Variants in ENAH observed in about 807,000 individuals in gnomAD.
ENAH encodes ENAH actin regulator.
In ENAH, 23 loss-of-function variants were observed where a neutral mutation model predicts 78.7. That is an observed-to-expected ratio of 0.29 (90% CI 0.21 to 0.41). ENAH has a LOEUF of 0.41. Among genes scored for constraint, ENAH ranks in the 10% least tolerant of loss-of-function variants. ENAH has a pLI of 1.00. For synonymous variants in ENAH, 226 were observed against 241.0 expected, an observed-to-expected ratio of 0.94 and a Z score of 0.58; for missense variants, 544 against 691.0, an observed-to-expected ratio of 0.79 and a Z score of 2.39.
At chr1:225,559,484 C>T (rs899197843) in intron 2 of ENAH, among the ~76,000 whole-genome samples, 19 of 152,240 alleles carry the variant, frequency 1.2e-4, no homozygotes, top group African/African-American at 3.9e-4. Flanking sequence ...CCATCAGTTA[C>T]TAACAGAAGT....
intron 1 of ENAH, among the ~76,000 whole-genome samples, chr1:225,639,727 C>CAA (rs1660687695): frequency 6.7e-6 from 1 of 148,818 alleles, no homozygotes; most frequent in Non-Finnish European, 1.5e-5. Context: ...CACACACACA[C>CAA]ACACACACAC....
At chr1:225,602,384 T>G (rs908928867) in intron 1 of ENAH, among the ~76,000 whole-genome samples, 3 of 152,166 alleles carry the variant, frequency 2.0e-5, no homozygotes, top group African/African-American at 4.8e-5. Flanking sequence ...TTTATCAGGC[T>G]AGTATTGAAT....
At chr1:225,607,425 A>C (rs1425894628) in intron 1 of ENAH, among the ~76,000 whole-genome samples, 1 of 152,012 alleles carries the variant, frequency 6.6e-6, no homozygotes, top group African/African-American at 2.4e-5. Context: ...AGTAGGCTGA[A>C]GAAAACAGAA....
intron 1 of ENAH, among the ~76,000 whole-genome samples, chr1:225,615,081 C>T (rs538259444): frequency 6.6e-6 from 1 of 152,020 alleles, no homozygotes; most frequent in Non-Finnish European, 1.5e-5. Flanking sequence ...CACGGTCTCC[C>T]TCTGATGCCG....
chr1:225,611,319 CG>C, intron 1 of ENAH, among the ~76,000 whole-genome samples: 1 of 151,956 alleles, frequency 6.6e-6, no homozygotes, highest in Admixed American at 6.6e-5. Flanking sequence ...TATTTATTTA[CG>C]TATTTATTTA....
rs896089895 is a variant in ENAH at position 225,490,830 on chromosome 1, C to A, written c.*6945G>T. 6.6e-6 allele frequency: 1 copy of A among 152,286 alleles called. No homozygotes were observed. The highest frequency in any genetic ancestry group is 2.4e-5 in the African/African-American group (1 of 41,472). 9.4% of individuals were successfully genotyped at this position (152,286 alleles called of 1,614,324 possible). On this transcript the variant is annotated 3_prime_UTR_variant, in exon 14 of 14. Transcript: ENST00000366843. ...AAAGTCAACGTCTTTTACCAACCAT[C>A]CATGGGCTATTGCTGAGTTGCGGAA... is the stretch of plus-strand genomic sequence containing the variant.
intron 3 of ENAH, among the ~76,000 whole-genome samples, chr1:225,547,311 C>T (rs1358815952): frequency 6.6e-6 from 1 of 152,058 alleles, no homozygotes; most frequent in African/African-American, 2.4e-5. Flanking sequence ...ACCTCGTGAT[C>T]CACCCACCTC....
intron 3 of ENAH, among the ~76,000 whole-genome samples, chr1:225,533,495 ACC>A (rs2096547687): frequency 6.6e-6 from 1 of 152,146 alleles, no homozygotes; most frequent in Non-Finnish European, 1.5e-5. Context: ...GGGAAGAACA[ACC>A]AAGGTTAAGA....
Position 225,492,083 on chromosome 1 carries a change from ATT to A in ENAH, c.*5690_*5691del, listed in dbSNP as rs34850812. ...CTATGAAAAGCTATATTCTCTTAGA[ATT>A]TTTTTTTTTTTTTTTTAGAGACAGG... On this transcript the variant is annotated 3_prime_UTR_variant, in exon 14 of 14. Coordinates refer to ENST00000366843, the MANE Select transcript of ENAH (RefSeq NM_018212.6). The A allele has an allele frequency of 1.0e-2, 1,393 of 139,870 alleles. 10 individuals are homozygous for A. Among genetic ancestry groups the A allele is most frequent in the African/African-American group, 0.016 (597 of 37,778 alleles). The allele number at this position is 139,870 out of a possible 1,614,324, so 8.7% of individuals were successfully genotyped here.
intron 2 of ENAH, among the ~76,000 whole-genome samples, chr1:225,558,361 C>T (rs189944719): frequency 2.6e-5 from 4 of 152,186 alleles, no homozygotes; most frequent in African/African-American, 9.6e-5. Context: ...ACAAAGTTTT[C>T]TTCCTTTTAC....
At chr1:225,639,882 A>G (rs748873573) in intron 1 of ENAH, among the ~76,000 whole-genome samples, 7 of 152,226 alleles carry the variant, frequency 4.6e-5, no homozygotes, top group Non-Finnish European at 8.8e-5. Flanking sequence ...CAAAGACATC[A>G]GTGACCCACT....
At chr1:225,622,616 T>G (rs2148272164) in intron 1 of ENAH, among the ~76,000 whole-genome samples, 1 of 152,272 alleles carries the variant, frequency 6.6e-6, no homozygotes, top group Admixed American at 6.5e-5. Context: ...GGTGAGGGCA[T>G]GCTGTTCATG....
intron 1 of ENAH, among the ~76,000 whole-genome samples, chr1:225,641,943 C>A (rs982973858): frequency 1.3e-5 from 2 of 152,098 alleles, no homozygotes; most frequent in Non-Finnish European, 2.9e-5. Context: ...ATCACTTGAA[C>A]CCGGGAAGCA....
At chr1:225,581,637 T>C (rs1292025360) in intron 1 of ENAH, among the ~76,000 whole-genome samples, 1 of 152,128 alleles carries the variant, frequency 6.6e-6, no homozygotes, top group African/African-American at 2.4e-5. Flanking sequence ...GGCCAAGTAA[T>C]GGCCAACTTT....
chr1:225,552,286 G>A (rs2096644921), intron 3 of ENAH, among the ~76,000 whole-genome samples: 2 of 151,846 alleles, frequency 1.3e-5, no homozygotes, highest in South Asian at 2.1e-4. Flanking sequence ...ACAGGCGCCC[G>A]CCACCACGCC....
intron 1 of ENAH, among the ~76,000 whole-genome samples, chr1:225,586,093 G>A (rs1230510717): frequency 6.6e-6 from 1 of 151,944 alleles, no homozygotes; most frequent in Non-Finnish European, 1.5e-5. Flanking sequence ...GCGTGCACCC[G>A]TAGTCCCAGC....
At chr1:225,530,924 G>A (rs2096534586) in intron 3 of ENAH, 4 of 414,988 alleles carry the variant, frequency 9.6e-6, no homozygotes, top group Non-Finnish European at 1.7e-5. Flanking sequence ...AGTGTTCGAT[G>A]AGCATCTGAA....
chr1:225,637,453 C>G (rs1419006115), intron 1 of ENAH, among the ~76,000 whole-genome samples: 3 of 152,106 alleles, frequency 2.0e-5, no homozygotes, highest in Non-Finnish European at 4.4e-5. Flanking sequence ...ATGATCCACC[C>G]GCCTCAGCCT....
At chr1:225,571,870 C>A (rs1280382576) in intron 1 of ENAH, among the ~76,000 whole-genome samples, 1 of 152,134 alleles carries the variant, frequency 6.6e-6, no homozygotes, top group African/African-American at 2.4e-5. Flanking sequence ...AACCCCCGCA[C>A]CCTCACACCT....
Sources: allele counts gnomAD v4.1 joint callset (sites outside exome capture counted in the v4.1 genomes callset), GRCh38; gene constraint gnomAD v4.1.1; transcripts MANE v1.5; gene names NCBI Gene and HGNC (gene_info 2026-07-23, HGNC 2026-07-21).